The following USP53 variants were observed in gnomAD, a reference collection of about 807,000 sequenced individuals.
The protein encoded by USP53 is ubiquitin specific peptidase 53, also known as ubiquitin carboxyl-terminal hydrolase 53.
In USP53, 71 loss-of-function variants were observed where a neutral mutation model predicts 94.9. The ratio of observed to expected loss-of-function variants is 0.75; its 90% CI spans 0.62 to 0.91. The LOEUF (loss-of-function observed/expected upper bound fraction) is 0.91. Among genes scored for constraint, USP53 ranks in the 40% least tolerant of loss-of-function variants. The probability of loss-of-function intolerance (pLI) is 0.00; values close to 1 mark genes in which losing one functional copy is unlikely to be tolerated. For synonymous variants in USP53, 375 were observed against 422.7 expected (o/e 0.89, Z 1.39); for missense variants, 1,173 against 1,281.0 (o/e 0.92, Z 1.29).
At chr4:119,237,198 T>G (rs977595906) in intron 4 of USP53, among the ~76,000 whole-genome samples, 1 of 152,200 alleles carries the variant, frequency 6.6e-6, no homozygotes, top group Admixed American at 6.5e-5. Flanking sequence ...CAGTAAACCA[T>G]GCTGTAAACA....
chr4:119,227,617 C>A (rs1222715605), intron 3 of USP53, among the ~76,000 whole-genome samples: 1 of 152,050 alleles, frequency 6.6e-6, no homozygotes, highest in South Asian at 2.1e-4. Context: ...GGAGACAGAG[C>A]GAGACTCCGT....
In USP53 at chr4:119,215,500, C is replaced by T. The variant is rs1159597357; in HGVS notation, c.-789+1278C>T. Among the ~76,000 whole-genome samples, 3 of 152,078 alleles carry T rather than the reference C, an allele frequency of 2.0e-5. No individual in the cohort carries two copies. The East Asian group carries it at 5.8e-4, about 29-fold the overall frequency. ...AGGCAAATAATATTCTGTGCTCTTCCAGGTTAACTCATATCCTCTATCAGG... is the reference window on the plus strand; with the variant it reads ...AGGCAAATAATATTCTGTGCTCTTCTAGGTTAACTCATATCCTCTATCAGG... On this transcript the variant is annotated intron_variant, in intron 2 of 18. Coordinates refer to ENST00000692078, the MANE Select transcript of USP53 (RefSeq NM_001371395.1).
rs571062050 is a variant in USP53, at chr4:119,260,538, G to A, written c.707G>A (p.Arg236His). The change falls in exon 11 of 19, where the codon CGT becomes CAT. Residue 236 changes from arginine (R) to histidine (H), a missense_variant. Transcript: ENST00000692078. ...SNCGQKIKIR[R>H]VLMNCPEIVT... ...TGTGGCCAAAAAATAAAAATTCGCC[G>A]TGTTTTAATGAATTGCCCAGAGATT... The A allele has an allele frequency of 5.5e-5, 88 of 1,613,440 alleles. 2 individuals are homozygous for A. The South Asian group carries it at 8.1e-4, about 15-fold the overall frequency.
Position 119,292,360 on chromosome 4 carries a change from G to A in USP53, c.2371G>A (p.Gly791Arg). Residue 791 changes from glycine to arginine, a missense_variant, in exon 19 of 19, where the codon GGA (glycine) becomes AGA (arginine). By Grantham distance (125) the Gly-to-Arg change is moderately radical (BLOSUM62 -2). Transcript: ENST00000692078. ...IKRSHVHEDN[G>R]KLFPSSSLQI... ...CAGATCACATGTACATGAAGACAAT[G>A]GAAAGTTATTTCCTTCATCCAGTCT... is the stretch of plus-strand genomic sequence containing the variant. 6 of 1,603,910 alleles carry A rather than the reference G, an allele frequency of 3.7e-6. No homozygotes were observed. The highest frequency in any genetic ancestry group is 5.1e-6 in the Non-Finnish European group (6 of 1,176,174).
intron 7 of USP53, 29 bp downstream of exon 7, chr4:119,248,911 T>A: frequency 6.2e-7 from 1 of 1,612,660 alleles, no homozygotes; most frequent in Non-Finnish European, 8.5e-7. Context: ...CCTTAAGAAG[T>A]CAGGATAGTA....
intron 5 of USP53, among the ~76,000 whole-genome samples, chr4:119,241,422 C>A (rs930728024): frequency 6.6e-6 from 1 of 151,962 alleles, no homozygotes; most frequent in Non-Finnish European, 1.5e-5. Context: ...GTGATGAATT[C>A]TTTCAGCTTT....
intron 6 of USP53, among the ~76,000 whole-genome samples, chr4:119,246,199 T>C (rs1209902012): frequency 1.3e-5 from 2 of 152,240 alleles, no homozygotes; most frequent in Non-Finnish European, 1.5e-5. Context: ...TCCTTGAATA[T>C]AGGCTGGCCT....
intron 6 of USP53, among the ~76,000 whole-genome samples, chr4:119,246,800 G>A (rs573111535): frequency 6.6e-6 from 1 of 152,268 alleles, no homozygotes; most frequent in South Asian, 2.1e-4. Context: ...AAGAAACAGA[G>A]CATCCAGTAT....
chr4:119,293,488 T>C lies in USP53; in HGVS notation c.*277T>C, dbSNP rs553663422. ...AATTTTATGATCAATATCTTAGATA[T>C]TTTAGAAATTCCCTTTGAATAGTCT... On this transcript the variant is annotated 3_prime_UTR_variant, in exon 19 of 19. Coordinates refer to ENST00000692078, the MANE Select transcript of USP53 (RefSeq NM_001371395.1). 24 of 259,302 alleles carry C rather than the reference T, an allele frequency of 9.3e-5. No individual in the cohort carries two copies. The East Asian group carries it at 1.6e-3, about 18-fold the overall frequency. The allele number at this position is 259,302 out of a possible 1,614,324, so 16.1% of individuals were successfully genotyped here. A position where few individuals can be genotyped will look rare whatever the true frequency, so the allele number is the denominator to read the frequency against.
chr4:119,290,396 G>T (rs1381329492), intron 17 of USP53, among the ~76,000 whole-genome samples: 1 of 152,126 alleles, frequency 6.6e-6, no homozygotes, highest in South Asian at 2.1e-4. Flanking sequence ...CAATTATTAG[G>T]AAGCATTATG....
At chr4:119,241,958 AGTTCAT>A (rs1183366817) in intron 5 of USP53, among the ~76,000 whole-genome samples, 1 of 151,890 alleles carries the variant, frequency 6.6e-6, no homozygotes, top group African/African-American at 2.4e-5. Flanking sequence ...TCCATTTTCA[AGTTCAT>A]TAATCTTTTC....
At chr4:119,238,610 T>C (rs1409589249) in intron 4 of USP53, among the ~76,000 whole-genome samples, 1 of 152,230 alleles carries the variant, frequency 6.6e-6, no homozygotes, top group African/African-American at 2.4e-5. Context: ...ATTGGCTTGC[T>C]ACAGGGTTGA....
At position 119,271,603 on chromosome 4, in the gene USP53, C is replaced by G; in HGVS notation, c.1743C>G (p.Asn581Lys). The G allele has an allele frequency of 6.2e-7, 1 of 1,613,638 alleles. No individual in the cohort carries two copies. Residue 581 changes from asparagine (N) to lysine (K), a missense_variant, in exon 16 of 19, where the codon AAC becomes AAG. Transcript: ENST00000692078. Reference sequence around the variant, plus strand: ...GTGATAGCAGCAGTAAAAGCCGGAACCGAGGTTGGAAACCTATGAGAGAAA... The same window carrying G: ...GTGATAGCAGCAGTAAAAGCCGGAAGCGAGGTTGGAAACCTATGAGAGAAA... ...NSCDSSSKSR[N>K]RGWKPMRETL...
chr4:119,276,148 G>A (rs1160980023), intron 17 of USP53, among the ~76,000 whole-genome samples: 1 of 100,284 alleles, frequency 1.0e-5, no homozygotes, highest in Admixed American at 1.1e-4. Flanking sequence ...GAATAGGAGT[G>A]GTGAGAGAGG....
chr4:119,212,631 G>T (rs879581341), upstream of USP53: 52 of 379,012 alleles, frequency 1.4e-4, no homozygotes, highest in Admixed American at 1.6e-3. Context: ...TGGCCTGACT[G>T]GTCCCTGGGT....
chr4:119,226,159 G>A (rs2149281306), intron 3 of USP53, among the ~76,000 whole-genome samples: 1 of 152,132 alleles, frequency 6.6e-6, no homozygotes, highest in East Asian at 1.9e-4. Context: ...TAGGAATAAA[G>A]GGGAACTTAC....
At position 119,213,641 on chromosome 4, in the gene USP53, GATATAT is replaced by G. The variant is rs141285286; in HGVS notation, c.-941-414_-941-409del. ...CCGAAAGTTTCCTTATCTGGAAATA[GATATAT>G]ATATATATATATATGTGTGTGTGTG... is the stretch of plus-strand genomic sequence containing the variant. On this transcript the variant is annotated intron_variant, in intron 1 of 18. Coordinates refer to ENST00000692078, the MANE Select transcript of USP53 (RefSeq NM_001371395.1). Among the ~76,000 whole-genome samples the G allele has an allele frequency of 2.1e-4, 23 of 108,110 alleles. 2 individuals carry two copies. Among genetic ancestry groups the G allele is most frequent in the African/African-American group, 9.3e-4 (22 of 23,714 alleles). The allele number at this position is 108,110 out of a possible 152,430, so 70.9% of individuals were successfully genotyped here. A position where few individuals can be genotyped will look rare whatever the true frequency, so the allele number is the denominator to read the frequency against.
In USP53 at chr4:119,239,527, A is replaced by G; in HGVS notation, c.-233A>G. The stretch of plus-strand genomic sequence containing the variant: ...TATAAACATCTTTAACGCCTTGTTT[A>G]AAATAGCTTTCTTTTTTAGTGCTTA... On this transcript the variant is annotated 5_prime_UTR_variant, in exon 5 of 19. Coordinates refer to ENST00000692078, the MANE Select transcript of USP53 (RefSeq NM_001371395.1). 2.1e-6 allele frequency: 1 copy of G among 472,640 alleles called. No homozygotes were observed. The highest frequency in any genetic ancestry group is 3.6e-6 in the Non-Finnish European group (1 of 275,656). 29.3% of individuals were successfully genotyped at this position (472,640 alleles called of 1,614,324 possible).
intron 2 of USP53, among the ~76,000 whole-genome samples, chr4:119,216,010 G>T (rs1743691853): frequency 6.6e-6 from 1 of 152,204 alleles, no homozygotes; most frequent in Non-Finnish European, 1.5e-5. Context: ...TTCTGAGTTA[G>T]AAGTATTGAA....
Sources: allele counts gnomAD v4.1 joint callset (sites outside exome capture counted in the v4.1 genomes callset), GRCh38; gene constraint gnomAD v4.1.1; transcripts MANE v1.5; gene names NCBI Gene and HGNC (gene_info 2026-07-23, HGNC 2026-07-21).